The following NCAM2 variants were observed in gnomAD, a reference collection of about 807,000 sequenced individuals.
The protein encoded by NCAM2 is neural cell adhesion molecule 2, also known as N-CAM-2.
A neutral mutation model predicts 98.1 loss-of-function variants in NCAM2; 30 were observed. The observed-to-expected ratio is 0.31, with a 90% CI of 0.23 to 0.41. NCAM2 has a LOEUF of 0.41. Among genes scored for constraint, NCAM2 ranks in the 10% least tolerant of loss-of-function variants. NCAM2 has a pLI of 1.00. For synonymous variants in NCAM2, 368 were observed against 342.4 expected, an observed-to-expected ratio of 1.07 and a Z score of -0.83; for missense variants, 867 against 1,005.8, an observed-to-expected ratio of 0.86 and a Z score of 1.87.
chr21:21,290,124 C>A (rs1408742572), intron 4 of NCAM2: 1 of 151,866 alleles, frequency 6.6e-6, no homozygotes, highest in Non-Finnish European at 1.5e-5. Context: ...GAAGACAGAA[C>A]TGGAGAATGC....
rs1377797585 is a variant in NCAM2, at chr21:21,292,110, T to G, written c.488T>G (p.Phe163Cys). 1.2e-6 allele frequency: 2 copies of G among 1,609,732 alleles called. No homozygotes were observed. The highest frequency in any genetic ancestry group is 2.2e-5 in the South Asian group (2 of 90,554). ...EEVTTISDNR[F>C]AMLANNNLQI... ...CCCTTTGCTTTCTTTCCAGATCGGT[T>G]CGCTATGTTAGCAAACAATAACCTG... Residue 163 changes from phenylalanine to cysteine, a missense_variant, in exon 5 of 18, where the codon TTC becomes TGC. By Grantham distance (205) the Phe-to-Cys change is radical. Coordinates refer to ENST00000400546, the MANE Select transcript of NCAM2 (RefSeq NM_004540.5).
chr21:21,165,378 C>G (rs2067917117), intron 1 of NCAM2, among the ~76,000 whole-genome samples: 1 of 152,136 alleles, frequency 6.6e-6, no homozygotes, highest in African/African-American at 2.4e-5. Context: ...CTCACTCCAG[C>G]CTCCTTCCAG....
chr21:21,304,259 A>G (rs1408846882), intron 5 of NCAM2, among the ~76,000 whole-genome samples: 1 of 151,928 alleles, frequency 6.6e-6, no homozygotes, highest in Non-Finnish European at 1.5e-5. Context: ...GTTTAGATTT[A>G]TGATAATTTT....
chr21:21,334,646 G>T (rs151281104), intron 6 of NCAM2, among the ~76,000 whole-genome samples: 1 of 151,902 alleles, frequency 6.6e-6, no homozygotes, highest in African/African-American at 2.4e-5. Context: ...GAAGAGAAAA[G>T]AGGAAAAAAG....
chr21:21,460,038 A>G (rs910727549), intron 12 of NCAM2, among the ~76,000 whole-genome samples: 1 of 151,970 alleles, frequency 6.6e-6, no homozygotes, highest in East Asian at 1.9e-4. Context: ...TGCATATATC[A>G]AAACATCAAG....
At chr21:21,104,176 A>T (rs1210277814) in intron 1 of NCAM2, among the ~76,000 whole-genome samples, 1 of 152,158 alleles carries the variant, frequency 6.6e-6, no homozygotes, top group Non-Finnish European at 1.5e-5. Flanking sequence ...AAAGTTTCCG[A>T]ATTTATGACA....
intron 11 of NCAM2, among the ~76,000 whole-genome samples, chr21:21,431,066 A>AG (rs1179885261): frequency 5.3e-5 from 8 of 149,578 alleles, no homozygotes; most frequent in Non-Finnish European, 1.2e-4. Context: ...AAAAAAAAAA[A>AG]AAAAATTCAA....
At chr21:21,044,501 C>A (rs2064969757) in intron 1 of NCAM2, among the ~76,000 whole-genome samples, 1 of 152,188 alleles carries the variant, frequency 6.6e-6, no homozygotes, top group Non-Finnish European at 1.5e-5. Context: ...CTAATTAAAT[C>A]TTTATATTGT....
rs528876532 is a variant in NCAM2, at chr21:21,147,010, C to G, written c.56-133568C>G. Reference sequence around the variant, plus strand: ...TGCCTTCTACTCCAGCACCAGTGGACTTCCTGAAATCTCGCGCCCTGTCCC... The same window carrying G: ...TGCCTTCTACTCCAGCACCAGTGGAGTTCCTGAAATCTCGCGCCCTGTCCC... On this transcript the variant is annotated intron_variant, in intron 1 of 17. Transcript: ENST00000400546. 8 of 804,368 alleles carry G rather than the reference C, an allele frequency of 9.9e-6. No individual in the cohort carries two copies. The African/African-American group carries it at 1.8e-4, about 18-fold the overall frequency. The allele number at this position is 804,368 out of a possible 1,614,324, so 49.8% of individuals were successfully genotyped here.
chr21:21,074,243 GTATAA>G (rs1293464712), intron 1 of NCAM2, among the ~76,000 whole-genome samples: 2 of 151,568 alleles, frequency 1.3e-5, no homozygotes, highest in African/African-American at 2.4e-5. Flanking sequence ...AAATTATGAT[GTATAA>G]TATAATTTAA....
chr21:21,523,484 A>T (rs1195684554), intron 16 of NCAM2, among the ~76,000 whole-genome samples: 3 of 151,700 alleles, frequency 2.0e-5, no homozygotes, highest in African/African-American at 4.8e-5. Context: ...AAGAAAGGAA[A>T]TGCATCAGAG....
Position 21,277,479 on chromosome 21 carries a change from A to T in NCAM2, c.56-3099A>T, listed in dbSNP as rs539879506. Reference sequence around the variant, plus strand: ...TATTTTATGTTTTCTTTGAAGATAGAAAGTAGGAAGCCATGAGGGGTTGTA... The same window carrying T: ...TATTTTATGTTTTCTTTGAAGATAGTAAGTAGGAAGCCATGAGGGGTTGTA... On this transcript the variant is annotated intron_variant, in intron 1 of 17. Coordinates refer to ENST00000400546, the MANE Select transcript of NCAM2 (RefSeq NM_004540.5). Among the ~76,000 whole-genome samples, 7 of 152,250 alleles carry T rather than the reference A, an allele frequency of 4.6e-5. No individual in the cohort carries two copies. The East Asian group carries it at 1.2e-3, about 25-fold the overall frequency.
At chr21:21,486,565 A>T (rs1272653829) in intron 15 of NCAM2, among the ~76,000 whole-genome samples, 1 of 152,160 alleles carries the variant, frequency 6.6e-6, no homozygotes. Context: ...ACACCTCCAG[A>T]AACTGTTTTT....
chr21:21,345,007 G>A (rs970372541), intron 8 of NCAM2, among the ~76,000 whole-genome samples: 4 of 152,044 alleles, frequency 2.6e-5, no homozygotes, highest in Non-Finnish European at 4.4e-5. Context: ...AATTTTCCCC[G>A]AACTTGTCCA....
chr21:21,149,559 C>T (rs2067384817), intron 1 of NCAM2, among the ~76,000 whole-genome samples: 2 of 152,002 alleles, frequency 1.3e-5, no homozygotes, highest in South Asian at 2.1e-4. Context: ...AATGCTCTCC[C>T]TCCCCTTGCC....
intron 1 of NCAM2, among the ~76,000 whole-genome samples, chr21:21,113,469 A>T (rs933359307): frequency 1.2e-4 from 19 of 152,234 alleles, no homozygotes; most frequent in Admixed American, 1.2e-3. Flanking sequence ...TGGCAAACAG[A>T]TACAATAATT....
chr21:21,037,792 C>T (rs2064827569), intron 1 of NCAM2, among the ~76,000 whole-genome samples: 1 of 151,984 alleles, frequency 6.6e-6, no homozygotes, highest in Non-Finnish European at 1.5e-5. Flanking sequence ...TTTGACAGAT[C>T]CTTTATATAC....
intron 1 of NCAM2, among the ~76,000 whole-genome samples, chr21:21,095,906 T>C (rs2066112718): frequency 6.6e-6 from 1 of 151,628 alleles, no homozygotes; most frequent in African/African-American, 2.4e-5. Flanking sequence ...GGTTGGCTGT[T>C]GAATATTACT....
intron 1 of NCAM2, among the ~76,000 whole-genome samples, chr21:21,058,699 T>G (rs1315674264): frequency 6.6e-6 from 1 of 151,692 alleles, no homozygotes; most frequent in Admixed American, 6.6e-5. Context: ...ATTGTACTTC[T>G]ACATTGACCC....
Sources: allele counts gnomAD v4.1 joint callset (sites outside exome capture counted in the v4.1 genomes callset), GRCh38; gene constraint gnomAD v4.1.1; transcripts MANE v1.5; gene names NCBI Gene and HGNC (gene_info 2026-07-23, HGNC 2026-07-21).